Variants in FSTL5 observed in about 807,000 individuals in gnomAD.
FSTL5 encodes follistatin like 5, also known as follistatin-related protein 5.
FSTL5 carries 62 observed loss-of-function variants against 89.1 expected under a neutral mutation model. The observed-to-expected ratio is 0.70, with a 90% CI of 0.57 to 0.86. FSTL5 has a LOEUF of 0.86. FSTL5 is among the 40% of genes least tolerant of loss of function. FSTL5 has a pLI of 0.00. For synonymous variants in FSTL5, 383 were observed against 346.2 expected (o/e 1.11, Z -1.18); for missense variants, 1,057 against 1,001.6 (o/e 1.06, Z -0.75).
At chr4:161,947,750 T>G (rs1734775632) in intron 3 of FSTL5, among the ~76,000 whole-genome samples, 1 of 152,106 alleles carries the variant, frequency 6.6e-6, no homozygotes, top group Non-Finnish European at 1.5e-5. Context: ...TATTGAAAGC[T>G]CTACCAAAAA....
intron 2 of FSTL5, among the ~76,000 whole-genome samples, chr4:162,052,579 A>G (rs1664960332): frequency 6.6e-6 from 1 of 151,730 alleles, no homozygotes; most frequent in Admixed American, 6.6e-5. Context: ...ATCCAGAGAG[A>G]GGATGACCAT....
At chr4:161,892,405 AAC>A (rs1733016155) in intron 4 of FSTL5, among the ~76,000 whole-genome samples, 1 of 152,044 alleles carries the variant, frequency 6.6e-6, no homozygotes, top group Non-Finnish European at 1.5e-5. Flanking sequence ...GTTTCAATAA[AAC>A]AGAGAAAAAG....
At chr4:161,419,297 TACATA>T (rs1426929258) in intron 15 of FSTL5, among the ~76,000 whole-genome samples, 1 of 152,134 alleles carries the variant, frequency 6.6e-6, no homozygotes, top group Non-Finnish European at 1.5e-5. Flanking sequence ...GTCTAAACCA[TACATA>T]TTTGCCAAAT....
chr4:161,908,481 A>T lies in FSTL5; in HGVS notation c.409+11923T>A, dbSNP rs148962835. Among the ~76,000 whole-genome samples the T allele has an allele frequency of 3.7e-3, 561 of 152,180 alleles. 8 individuals carry two copies. Among genetic ancestry groups the T allele is most frequent in the African/African-American group, 0.013 (530 of 41,560 alleles). On this transcript the variant is annotated intron_variant, in intron 4 of 15. Coordinates refer to ENST00000306100, the MANE Select transcript of FSTL5 (RefSeq NM_020116.5). ...ATATATAAATTGTTTCTTTCAATTA[A>T]TTATACTGATGCTCAATTAAATTAA...
At chr4:162,057,835 T>C (rs1738596465) in intron 2 of FSTL5, among the ~76,000 whole-genome samples, 1 of 151,920 alleles carries the variant, frequency 6.6e-6, no homozygotes, top group Non-Finnish European at 1.5e-5. Flanking sequence ...TCCCAGCTAT[T>C]TGGGAGGCTG....
intron 3 of FSTL5, among the ~76,000 whole-genome samples, chr4:161,976,951 G>A (rs544605401): frequency 1.3e-5 from 2 of 152,208 alleles, no homozygotes; most frequent in East Asian, 1.9e-4. Flanking sequence ...GGAACTGCAC[G>A]GCATCTTTTC....
At chr4:162,040,181 G>A (rs941553801) in intron 2 of FSTL5, among the ~76,000 whole-genome samples, 4 of 152,004 alleles carry the variant, frequency 2.6e-5, no homozygotes, top group African/African-American at 9.7e-5. Flanking sequence ...GGTTTTAAAA[G>A]TGATAATTTG....
In FSTL5 at chr4:162,104,478, T is replaced by C. The variant is rs137940537; in HGVS notation, c.126+6793A>G. 3.8e-3 allele frequency among the ~76,000 whole-genome samples: 585 copies of C among 152,296 alleles called. 9 individuals are homozygous for C. Among genetic ancestry groups the C allele is most frequent in the African/African-American group, 0.014 (566 of 41,570 alleles). ...GAGCAAGGACCCACTCCCCGACCCC[T>C]GTAACACTATAATAAAGAGAATGTT... On this transcript the variant is annotated intron_variant, in intron 2 of 15. Coordinates refer to ENST00000306100, the MANE Select transcript of FSTL5 (RefSeq NM_020116.5).
At chr4:161,505,165 T>C (rs763248219) in intron 11 of FSTL5, among the ~76,000 whole-genome samples, 4 of 152,126 alleles carry the variant, frequency 2.6e-5, no homozygotes, top group South Asian at 2.1e-4. Context: ...AAATCTCCCA[T>C]CTTTAGATAA....
At chr4:161,752,197 A>C (rs1307968222) in intron 6 of FSTL5, among the ~76,000 whole-genome samples, 1 of 151,776 alleles carries the variant, frequency 6.6e-6, no homozygotes, top group African/African-American at 2.4e-5. Context: ...ACCACTATAG[A>C]TGTTAAATAT....
intron 4 of FSTL5, among the ~76,000 whole-genome samples, chr4:161,817,142 G>A (rs906571760): frequency 9.2e-5 from 14 of 152,200 alleles, no homozygotes; most frequent in Non-Finnish European, 2.9e-5. Flanking sequence ...GATTAGTCAT[G>A]TAAGAAGACA....
intron 2 of FSTL5, among the ~76,000 whole-genome samples, chr4:162,047,827 A>AAAACAAAAACAACAAAAGC (rs1238706749): frequency 3.3e-5 from 5 of 152,096 alleles, no homozygotes; most frequent in Non-Finnish European, 7.4e-5. Context: ...CTCCATCTCA[A>AAAACAAAAACAACAAAAGC]AAACAAAAAC....
chr4:161,437,565 CAAAA>C (rs56229701), intron 15 of FSTL5, among the ~76,000 whole-genome samples: 16,572 of 68,552 alleles, frequency 0.24, 2,436 homozygotes, highest in South Asian at 0.4. Flanking sequence ...GACTCCGTCT[CAAAA>C]AAAAAAAAAA....
rs140636080 is a variant in FSTL5 at position 161,930,616 on chromosome 4, T to C, written c.161-9964A>G. 9.6e-3 allele frequency among the ~76,000 whole-genome samples: 1,463 copies of C among 151,854 alleles called. 16 individuals carry two copies. Among genetic ancestry groups the C allele is most frequent in the Middle Eastern group, 0.017 (5 of 294 alleles). ...TTCAGAACACAGGGTTCACCACTGATACAATTCTGGTTGCTAGTCACATGA... is the reference window on the plus strand; with the variant it reads ...TTCAGAACACAGGGTTCACCACTGACACAATTCTGGTTGCTAGTCACATGA... On this transcript the variant is annotated intron_variant, in intron 3 of 15. Transcript: ENST00000306100.
At chr4:161,705,737 C>T (rs1338957444) in intron 6 of FSTL5, among the ~76,000 whole-genome samples, 2 of 150,598 alleles carry the variant, frequency 1.3e-5, no homozygotes, top group Non-Finnish European at 3.0e-5. Context: ...ATTGTGAATA[C>T]CAAAAGTTAA....
intron 2 of FSTL5, among the ~76,000 whole-genome samples, chr4:162,098,742 C>T (rs2111376556): frequency 6.6e-6 from 1 of 152,068 alleles, no homozygotes; most frequent in Middle Eastern, 3.4e-3. Flanking sequence ...ATCAATAGAA[C>T]ATAATGAGAG....
intron 4 of FSTL5, among the ~76,000 whole-genome samples, chr4:161,876,363 C>T (rs915768967): frequency 6.6e-6 from 1 of 152,030 alleles, no homozygotes; most frequent in African/African-American, 2.4e-5. Context: ...AATGAGGAAA[C>T]ATTAAGTAAA....
Position 161,672,702 on chromosome 4 carries a change from AAATT to A in FSTL5, c.728-16212_728-16209del, listed in dbSNP as rs1445885805. ...AAATTTTCTCTCGATTTTATCTAAG[AAATT>A]AAAAAAAAAAAACCCAAAAATCTAA... On this transcript the variant is annotated intron_variant, in intron 6 of 15. Coordinates refer to ENST00000306100, the MANE Select transcript of FSTL5 (RefSeq NM_020116.5). 3.3e-3 allele frequency among the ~76,000 whole-genome samples: 493 copies of A among 147,880 alleles called. 2 individuals carry two copies. Among genetic ancestry groups the A allele is most frequent in the African/African-American group, 0.012 (471 of 38,782 alleles).
At chr4:161,444,961 T>C (rs1321816759) in intron 15 of FSTL5, among the ~76,000 whole-genome samples, 1 of 151,996 alleles carries the variant, frequency 6.6e-6, no homozygotes, top group Non-Finnish European at 1.5e-5. Flanking sequence ...GCATAAAAAT[T>C]GCTTAGCTCA....
Sources: allele counts gnomAD v4.1 joint callset (sites outside exome capture counted in the v4.1 genomes callset), GRCh38; gene constraint gnomAD v4.1.1; transcripts MANE v1.5; gene names NCBI Gene and HGNC (gene_info 2026-07-23, HGNC 2026-07-21).